Variants in CDK19 observed in about 807,000 individuals in gnomAD.
CDK19 encodes the protein cyclin dependent kinase 19.
CDK19 carries 20 observed loss-of-function variants against 68.3 expected under a neutral mutation model. The ratio of observed to expected loss-of-function variants is 0.29; its 90% CI spans 0.21 to 0.43. The LOEUF is 0.43. Ranked by LOEUF, CDK19 falls within the 20% of genes least tolerant of loss-of-function variation. The pLI, the probability that CDK19 is intolerant of heterozygous loss-of-function variation, is 1.00. For missense variants in CDK19, 339 were observed against 623.5 expected, an observed-to-expected ratio of 0.54 and a Z score of 4.86; for synonymous variants, 221 against 222.8, an observed-to-expected ratio of 0.99 and a Z score of 0.07.
intron 1 of CDK19, among the ~76,000 whole-genome samples, chr6:110,791,602 T>A (rs1245881743): frequency 6.6e-6 from 1 of 152,156 alleles, no homozygotes; most frequent in Non-Finnish European, 1.5e-5. Flanking sequence ...TACCACACCA[T>A]TCATAATGGT....
intron 4 of CDK19, among the ~76,000 whole-genome samples, 181 bp downstream of exon 4, chr6:110,667,253 G>A (rs1321518611): frequency 6.6e-6 from 1 of 152,074 alleles, no homozygotes. Flanking sequence ...CCCACCAAAT[G>A]TTAAATAGTG....
At chr6:110,789,180 T>C (rs888392060) in intron 1 of CDK19, among the ~76,000 whole-genome samples, 1 of 152,250 alleles carries the variant, frequency 6.6e-6, no homozygotes, top group African/African-American at 2.4e-5. Flanking sequence ...TATGTAGTTA[T>C]GATTCAGTAC....
intron 2 of CDK19, among the ~76,000 whole-genome samples, chr6:110,693,804 G>GC: frequency 6.6e-6 from 1 of 152,136 alleles, no homozygotes; most frequent in South Asian, 2.1e-4. Context: ...TTCTCTACCT[G>GC]CCCAAGTAGC....
chr6:110,706,404 G>GTTTTTTTTTTTTTTTTTTTTTTTTTT (rs774904075), intron 2 of CDK19: 1 of 71,064 alleles, frequency 1.4e-5, no homozygotes, highest in Non-Finnish European at 2.6e-5. Flanking sequence ...TAACACTGTT[G>GTTTTTTTTTTTTTTTTTTTTTTTTTT]TTTTTTTTTT....
chr6:110,614,227 C>T lies in CDK19; in HGVS notation c.*308G>A, dbSNP rs117102226. ...TGATTGCTACAGCATGAGAAAGGTGCACCAGGAAATCCTTCAAAGAAATGC... is the reference window on the plus strand; with the variant it reads ...TGATTGCTACAGCATGAGAAAGGTGTACCAGGAAATCCTTCAAAGAAATGC... On this transcript the variant is annotated 3_prime_UTR_variant, in exon 13 of 13. Transcript: ENST00000368911. The T allele has an allele frequency of 0.012, 2,826 of 232,916 alleles. 23 individuals carry two copies. The highest frequency in any genetic ancestry group is 0.019 in the Non-Finnish European group (2,198 of 118,554). 14.4% of individuals were successfully genotyped at this position (232,916 alleles called of 1,614,324 possible).
intron 2 of CDK19, among the ~76,000 whole-genome samples, chr6:110,705,677 A>T (rs2114661415): frequency 6.6e-6 from 1 of 152,356 alleles, no homozygotes; most frequent in South Asian, 2.1e-4. Flanking sequence ...AAACCAAGAA[A>T]GATTACCTTC....
intron 2 of CDK19, among the ~76,000 whole-genome samples, chr6:110,679,414 A>G (rs1327065113): frequency 6.6e-6 from 1 of 151,992 alleles, no homozygotes; most frequent in Non-Finnish European, 1.5e-5. Context: ...GGAGTTTGAG[A>G]CCAGACTGGC....
intron 2 of CDK19, among the ~76,000 whole-genome samples, chr6:110,738,800 C>T (rs1413116645): frequency 6.6e-6 from 1 of 151,874 alleles, no homozygotes; most frequent in Non-Finnish European, 1.5e-5. Context: ...AGGAAAGTTC[C>T]AAGGATTCCA....
At chr6:110,712,818 A>G (rs1775042665) in intron 2 of CDK19, among the ~76,000 whole-genome samples, 1 of 152,232 alleles carries the variant, frequency 6.6e-6, no homozygotes, top group South Asian at 2.1e-4. Flanking sequence ...CAGGTCAGAA[A>G]GGCATGTATG....
chr6:110,614,342 T>G lies in CDK19; in HGVS notation c.*193A>C. ...TGCAGGGAAGGGGTGCTGGGGAAAC[T>G]TCACAAGAATCTTCTTTAAGTCAAT... is the stretch of plus-strand genomic sequence containing the variant. On this transcript the variant is annotated 3_prime_UTR_variant, in exon 13 of 13. Transcript: ENST00000368911. 1 of 461,118 alleles carries G rather than the reference T, an allele frequency of 2.2e-6. No homozygotes were observed. Among genetic ancestry groups the G allele is most frequent in the Non-Finnish European group, 3.8e-6 (1 of 261,386 alleles). The allele number at this position is 461,118 out of a possible 1,614,324, so 28.6% of individuals were successfully genotyped here. A position where few individuals can be genotyped will look rare whatever the true frequency, so the allele number is the denominator to read the frequency against.
At chr6:110,688,211 C>A (rs867984180) in intron 2 of CDK19, among the ~76,000 whole-genome samples, 7 of 151,982 alleles carry the variant, frequency 4.6e-5, no homozygotes, top group Non-Finnish European at 1.0e-4. Context: ...CATGGCGAAA[C>A]CTCATCTCTA....
At chr6:110,733,936 T>A (rs1256978434) in intron 2 of CDK19, among the ~76,000 whole-genome samples, 2 of 152,124 alleles carry the variant, frequency 1.3e-5, no homozygotes, top group East Asian at 3.8e-4. Flanking sequence ...AGCATTCCTC[T>A]CCTTTTGATC....
chr6:110,703,710 T>A (rs1774201649), intron 2 of CDK19, among the ~76,000 whole-genome samples: 1 of 152,112 alleles, frequency 6.6e-6, no homozygotes, highest in Non-Finnish European at 1.5e-5. Context: ...TATGGTGGCA[T>A]GCACCTGTAG....
chr6:110,772,208 G>A (rs1780067178), intron 1 of CDK19, among the ~76,000 whole-genome samples: 3 of 152,152 alleles, frequency 2.0e-5, no homozygotes, highest in Admixed American at 6.5e-5. Flanking sequence ...TGGACTTACA[G>A]TTCCACACGG....
Position 110,815,262 on chromosome 6 carries a change from C to G in CDK19, c.-126G>C, listed in dbSNP as rs1783546205. ...CCTCTCGCGCGCGCGCGCGCGCCGC[C>G]CGCCGCCCGCCGCTCCGCGGTCCGC... is the stretch of plus-strand genomic sequence containing the variant. On this transcript the variant is annotated 5_prime_UTR_variant, in exon 1 of 13. Coordinates refer to ENST00000368911, the MANE Select transcript of CDK19 (RefSeq NM_015076.5). 2.8e-6 allele frequency: 3 copies of G among 1,060,570 alleles called. No individual in the cohort carries two copies. The highest frequency in any genetic ancestry group is 3.4e-5 in the African/African-American group (2 of 59,314). 65.7% of individuals were successfully genotyped at this position (1,060,570 alleles called of 1,614,324 possible).
At chr6:110,789,748 T>C (rs2115064079) in intron 1 of CDK19, among the ~76,000 whole-genome samples, 1 of 152,366 alleles carries the variant, frequency 6.6e-6, no homozygotes, top group South Asian at 2.1e-4. Context: ...GTCTATTTTA[T>C]GGTAGTAAAT....
chr6:110,617,481 C>G (rs1778389940), intron 12 of CDK19, among the ~76,000 whole-genome samples: 1 of 151,828 alleles, frequency 6.6e-6, no homozygotes, highest in South Asian at 2.1e-4. Flanking sequence ...TGACCCTAAA[C>G]CATAAAAATG....
chr6:110,617,815 T>C (rs1397733702), intron 12 of CDK19, among the ~76,000 whole-genome samples: 2 of 111,802 alleles, frequency 1.8e-5, no homozygotes, highest in Non-Finnish European at 1.7e-5. Flanking sequence ...CAAGATCACG[T>C]CACCGCACTC....
intron 2 of CDK19, among the ~76,000 whole-genome samples, chr6:110,742,380 C>T (rs370655267): frequency 6.6e-6 from 1 of 152,128 alleles, no homozygotes; most frequent in African/African-American, 2.4e-5. Flanking sequence ...CTCAGGACCA[C>T]TATTGTACAA....
Sources: gnomAD v4.1 joint callset for allele counts (sites outside exome capture counted in the v4.1 genomes callset) on GRCh38, gnomAD v4.1.1 for gene constraint, MANE v1.5 for transcripts, NCBI Gene and HGNC (gene_info 2026-07-23, HGNC 2026-07-21) for gene names.